The following LRMDA variants were observed in gnomAD, a reference collection of about 807,000 sequenced individuals.
LRMDA encodes the protein leucine-rich melanocyte differentiation-associated protein.
LRMDA carries 18 observed loss-of-function variants against 29.8 expected under a neutral mutation model. That is an observed-to-expected ratio of 0.60 (90% CI 0.42 to 0.90). The LOEUF is 0.90. Among genes scored for constraint, LRMDA ranks in the 40% least tolerant of loss-of-function variants. The pLI is 0.00. For missense variants in LRMDA, 273 were observed against 273.9 expected (o/e 1.00, Z 0.02); for synonymous variants, 125 against 109.4 (o/e 1.14, Z -0.89).
chr10:76,319,493 G>C (rs1840742690), intron 5 of LRMDA, among the ~76,000 whole-genome samples: 1 of 152,038 alleles, frequency 6.6e-6, no homozygotes, highest in African/African-American at 2.4e-5. Context: ...ACTATGAGTT[G>C]GTGGCTCTTC....
intron 2 of LRMDA, among the ~76,000 whole-genome samples, chr10:75,706,032 C>T (rs1026586320): frequency 3.3e-5 from 5 of 152,122 alleles, no homozygotes; most frequent in Non-Finnish European, 5.9e-5. Flanking sequence ...GGAGGCATAA[C>T]GCTGTATAGG....
At chr10:75,763,554 G>A (rs1843123393) in intron 2 of LRMDA, among the ~76,000 whole-genome samples, 1 of 152,100 alleles carries the variant, frequency 6.6e-6, no homozygotes, top group South Asian at 2.1e-4. Context: ...AAAGAATAAC[G>A]GCTTTATTAT....
intron 5 of LRMDA, among the ~76,000 whole-genome samples, chr10:76,101,182 CTAT>C (rs1849389260): frequency 1.3e-5 from 2 of 152,030 alleles, no homozygotes; most frequent in Admixed American, 6.6e-5. Context: ...ACAAAAGTAT[CTAT>C]TTATGAAGGA....
chr10:75,785,893 T>C (rs964792734), intron 2 of LRMDA, among the ~76,000 whole-genome samples: 5 of 152,218 alleles, frequency 3.3e-5, no homozygotes, highest in African/African-American at 1.2e-4. Flanking sequence ...ACACATATCA[T>C]GGACTTAGCC....
intron 2 of LRMDA, among the ~76,000 whole-genome samples, chr10:75,682,474 T>C (rs928436886): frequency 2.7e-4 from 41 of 151,904 alleles, no homozygotes; most frequent in Non-Finnish European, 5.4e-4. Flanking sequence ...ACACACTCAA[T>C]ACCAATATAT....
At chr10:75,647,181 G>T (rs564326701) in intron 2 of LRMDA, among the ~76,000 whole-genome samples, 1 of 152,152 alleles carries the variant, frequency 6.6e-6, no homozygotes, top group Non-Finnish European at 1.5e-5. Flanking sequence ...GCAACAAGTC[G>T]TAGGAAGTGC....
At chr10:75,958,030 T>C (rs192543045) in intron 2 of LRMDA, among the ~76,000 whole-genome samples, 1 of 152,210 alleles carries the variant, frequency 6.6e-6, no homozygotes, top group East Asian at 1.9e-4. Flanking sequence ...AAAAAGGAGA[T>C]GGTATCCAAG....
At chr10:75,464,301 G>A (rs1844626049) in intron 2 of LRMDA, among the ~76,000 whole-genome samples, 1 of 152,202 alleles carries the variant, frequency 6.6e-6, no homozygotes, top group African/African-American at 2.4e-5. Context: ...GCTCACTGTG[G>A]TGAGAAGGAC....
intron 6 of LRMDA, among the ~76,000 whole-genome samples, chr10:76,466,627 C>T (rs1259150500): frequency 6.6e-6 from 1 of 152,002 alleles, no homozygotes; most frequent in Non-Finnish European, 1.5e-5. Flanking sequence ...AAAACCCCTA[C>T]TCTACAAAAA....
chr10:76,405,496 C>T (rs1181713399), intron 6 of LRMDA, among the ~76,000 whole-genome samples: 1 of 152,120 alleles, frequency 6.6e-6, no homozygotes, highest in African/African-American at 2.4e-5. Flanking sequence ...GTTTATACAA[C>T]AGGGTAAAGG....
intron 5 of LRMDA, among the ~76,000 whole-genome samples, chr10:76,133,329 A>G (rs936850307): frequency 6.6e-6 from 1 of 152,080 alleles, no homozygotes; most frequent in East Asian, 1.9e-4. Context: ...CCTTGTATGC[A>G]GGTAGCACCT....
At chr10:75,996,033 A>G (rs529320535) in intron 2 of LRMDA, among the ~76,000 whole-genome samples, 4 of 152,284 alleles carry the variant, frequency 2.6e-5, no homozygotes, top group African/African-American at 9.6e-5. Flanking sequence ...TCACCAACCC[A>G]TGTTTAAGCC....
chr10:75,649,404 T>C (rs1381065305), intron 2 of LRMDA, among the ~76,000 whole-genome samples: 2 of 152,238 alleles, frequency 1.3e-5, no homozygotes, highest in Admixed American at 1.3e-4. Context: ...TTCCTAAACA[T>C]GAGTGTACAG....
intron 2 of LRMDA, among the ~76,000 whole-genome samples, chr10:75,925,211 A>AT: frequency 1.3e-5 from 2 of 151,830 alleles, no homozygotes; most frequent in South Asian, 2.1e-4. Flanking sequence ...TTTTTTGTAA[A>AT]TTTTTTTTGC....
intron 6 of LRMDA, among the ~76,000 whole-genome samples, chr10:76,412,358 T>C (rs141978867): frequency 2.0e-5 from 3 of 152,318 alleles, no homozygotes; most frequent in African/African-American, 7.2e-5. Context: ...TGGTGGACTC[T>C]TCTGATGTAA....
At chr10:76,285,126 A>G (rs1234441063) in intron 5 of LRMDA, among the ~76,000 whole-genome samples, 1 of 152,142 alleles carries the variant, frequency 6.6e-6, no homozygotes, top group East Asian at 1.9e-4. Context: ...GATGCCTAGT[A>G]TGGTATATGG....
intron 2 of LRMDA, among the ~76,000 whole-genome samples, chr10:75,604,654 G>A (rs1159014328): frequency 6.6e-6 from 1 of 152,140 alleles, no homozygotes; most frequent in Non-Finnish European, 1.5e-5. Flanking sequence ...GAGACTGGAG[G>A]AGAAAAAGGA....
At chr10:76,035,927 G>A (rs1303770870) in intron 2 of LRMDA, 81 bp from the exon 3 acceptor site, 6 of 1,506,376 alleles carry the variant, frequency 4.0e-6, no homozygotes, top group Non-Finnish European at 5.4e-6. Context: ...TGAAAGGGAA[G>A]GTTAAAATAT....
chr10:76,132,316 G>T (rs562659314), intron 5 of LRMDA, among the ~76,000 whole-genome samples: 1 of 152,278 alleles, frequency 6.6e-6, no homozygotes, highest in South Asian at 2.1e-4. Context: ...AGGAGATGGT[G>T]TAGTGACAAC....
Sources: allele counts gnomAD v4.1 joint callset (sites outside exome capture counted in the v4.1 genomes callset), GRCh38; gene constraint gnomAD v4.1.1; transcripts MANE v1.5; gene names NCBI Gene and HGNC (gene_info 2026-07-23, HGNC 2026-07-21).